DCC: variants seen among roughly 807,000 people sequenced by gnomAD.
DCC encodes the protein DCC netrin 1 receptor.
DCC carries 58 observed loss-of-function variants against 172.5 expected under a neutral mutation model. The observed-to-expected ratio is 0.34, with a 90% CI of 0.27 to 0.42. The LOEUF is 0.42. Among genes scored for constraint, DCC ranks in the 10% least tolerant of loss-of-function variants. The pLI, the probability that DCC is intolerant of heterozygous loss-of-function variation, is 1.00. For synonymous variants in DCC, 709 were observed against 644.5 expected (o/e 1.10, Z -1.52); for missense variants, 1,740 against 1,791.0 (o/e 0.97, Z 0.51).
At chr18:52,873,064 A>G (rs969021235) in intron 2 of DCC, among the ~76,000 whole-genome samples, 8 of 152,308 alleles carry the variant, frequency 5.3e-5, no homozygotes, top group African/African-American at 1.9e-4. Flanking sequence ...CAATCTCACA[A>G]TTTGAAATCG....
At chr18:53,044,174 A>G (rs1169937429) in intron 5 of DCC, among the ~76,000 whole-genome samples, 1 of 151,918 alleles carries the variant, frequency 6.6e-6, no homozygotes, top group Non-Finnish European at 1.5e-5. Flanking sequence ...AGCATCTTCA[A>G]AACATGAAAG....
intron 1 of DCC, among the ~76,000 whole-genome samples, chr18:52,546,228 A>C (rs144644782): frequency 1.3e-5 from 2 of 152,292 alleles, no homozygotes; most frequent in East Asian, 3.9e-4. Context: ...ACGTTAGCAA[A>C]GTACACTGGA....
chr18:53,474,227 T>C lies in DCC; in HGVS notation c.3736+6217T>C, dbSNP rs115525354. 7.7e-3 allele frequency among the ~76,000 whole-genome samples: 1,165 copies of C among 152,252 alleles called. 15 individuals carry two copies. The highest frequency in any genetic ancestry group is 0.027 in the African/African-American group (1,121 of 41,558). On this transcript the variant is annotated intron_variant, in intron 25 of 28. Coordinates refer to ENST00000442544, the MANE Select transcript of DCC (RefSeq NM_005215.4). ...GGTTATTTGTAATATCACATCTTCA[T>C]TACAATAGATGAATATAGTATATTC...
At chr18:53,478,899 A>G (rs1367179935) in intron 25 of DCC, among the ~76,000 whole-genome samples, 1 of 152,214 alleles carries the variant, frequency 6.6e-6, no homozygotes, top group Non-Finnish European at 1.5e-5. Context: ...GGACATTGAG[A>G]GGGACTCGTC....
chr18:53,262,420 T>G (rs368415958), intron 12 of DCC, among the ~76,000 whole-genome samples: 2 of 152,194 alleles, frequency 1.3e-5, no homozygotes, highest in African/African-American at 4.8e-5. Flanking sequence ...AAAATGAGTT[T>G]TATATAATTC....
intron 1 of DCC, among the ~76,000 whole-genome samples, chr18:52,518,755 A>G (rs571987964): frequency 6.6e-6 from 1 of 152,336 alleles, no homozygotes; most frequent in East Asian, 1.9e-4. Flanking sequence ...CTTTGCTCAT[A>G]AACTGAGAAT....
At chr18:52,676,820 C>G (rs1291185968) in intron 1 of DCC, among the ~76,000 whole-genome samples, 1 of 152,172 alleles carries the variant, frequency 6.6e-6, no homozygotes, top group East Asian at 1.9e-4. Flanking sequence ...GTAAAGCCAG[C>G]TCTGCTTTAC....
chr18:53,085,223 T>A (rs1489222361), intron 7 of DCC, among the ~76,000 whole-genome samples: 1 of 152,048 alleles, frequency 6.6e-6, no homozygotes, highest in Non-Finnish European at 1.5e-5. Context: ...AATTAATAAG[T>A]GAAGGCCAAG....
chr18:53,351,309 ATATATACACT>A (rs1265728073), intron 15 of DCC, among the ~76,000 whole-genome samples: 6 of 31,866 alleles, frequency 1.9e-4, no homozygotes, highest in Non-Finnish European at 3.9e-4. Flanking sequence ...ATATATATAT[ATATATACACT>A]GTATATATAT....
rs147432297 is a variant in DCC at position 53,480,047 on chromosome 18, A to G, written c.3737-6750A>G. ...CCAGATCAGAGTCTATATCTTTCCT[A>G]TGGCCTCATCTTCTGTCTAATATCA... On this transcript the variant is annotated intron_variant, in intron 25 of 28. Coordinates refer to ENST00000442544, the MANE Select transcript of DCC (RefSeq NM_005215.4). Among the ~76,000 whole-genome samples, 713 of 152,288 alleles carry G rather than the reference A, an allele frequency of 4.7e-3. 5 individuals are homozygous for G. The highest frequency in any genetic ancestry group is 0.014 in the African/African-American group (600 of 41,560).
At chr18:53,337,145 G>A (rs1378746053) in intron 14 of DCC, among the ~76,000 whole-genome samples, 1 of 152,178 alleles carries the variant, frequency 6.6e-6, no homozygotes, top group Non-Finnish European at 1.5e-5. Flanking sequence ...TCTATGGTTT[G>A]CAGAAATATT....
chr18:53,057,294 A>C (rs989741671), intron 5 of DCC, among the ~76,000 whole-genome samples: 3 of 152,014 alleles, frequency 2.0e-5, no homozygotes, highest in African/African-American at 7.2e-5. Flanking sequence ...AAAACAGATA[A>C]ATTTAAAGAA....
At chr18:52,924,206 T>TCA (rs138701060) in intron 4 of DCC, among the ~76,000 whole-genome samples, 4,933 of 152,160 alleles carry the variant, frequency 0.032, 101 homozygotes, top group Non-Finnish European at 0.05. Context: ...ATATTCTGTG[T>TCA]CACACACAAA....
chr18:52,632,089 A>T (rs1488120529), intron 1 of DCC, among the ~76,000 whole-genome samples: 2 of 152,152 alleles, frequency 1.3e-5, no homozygotes. Context: ...TCCTTCAGAG[A>T]ACTTCCCCAA....
intron 15 of DCC, among the ~76,000 whole-genome samples, chr18:53,370,367 C>T (rs2058047973): frequency 6.6e-6 from 1 of 151,614 alleles, no homozygotes; most frequent in Admixed American, 6.6e-5. Context: ...CAAAGGTTTG[C>T]CAATTTGGTT....
intron 12 of DCC, among the ~76,000 whole-genome samples, chr18:53,240,785 A>G (rs2056280557): frequency 6.6e-6 from 1 of 152,170 alleles, no homozygotes; most frequent in African/African-American, 2.4e-5. Context: ...CTCTGAGGCT[A>G]TGGCTACACT....
intron 1 of DCC, among the ~76,000 whole-genome samples, chr18:52,663,921 C>G (rs906818840): frequency 1.3e-5 from 2 of 151,244 alleles, no homozygotes; most frequent in African/African-American, 2.4e-5. Context: ...AGACAGAAAA[C>G]TACATTCTCA....
At chr18:52,788,507 C>T (rs576297980) in intron 2 of DCC, among the ~76,000 whole-genome samples, 198 of 152,158 alleles carry the variant, frequency 1.3e-3, no homozygotes, top group African/African-American at 4.3e-3. Context: ...TGCATTTTGA[C>T]GACACTTGCA....
chr18:52,717,145 G>A (rs529203396), intron 1 of DCC, among the ~76,000 whole-genome samples: 4 of 152,298 alleles, frequency 2.6e-5, no homozygotes, highest in South Asian at 4.1e-4. Context: ...CAGATTGACC[G>A]AGAGTTGTCT....
Sources: allele counts gnomAD v4.1 joint callset (sites outside exome capture counted in the v4.1 genomes callset), GRCh38; gene constraint gnomAD v4.1.1; transcripts MANE v1.5; gene names NCBI Gene and HGNC (gene_info 2026-07-23, HGNC 2026-07-21).